The following CCBE1 variants were observed in gnomAD, a reference collection of about 807,000 sequenced individuals.
CCBE1 encodes the protein collagen and calcium binding EGF domains 1.
Under a neutral mutation model 50.0 loss-of-function variants are expected in CCBE1, and 37 were observed. The ratio of observed to expected loss-of-function variants is 0.74; its 90% CI spans 0.57 to 0.97. CCBE1 has a LOEUF of 0.97. CCBE1 is among the 50% of genes least tolerant of loss of function. The probability of loss-of-function intolerance (pLI) is 0.00; values close to 1 mark genes in which losing one functional copy is unlikely to be tolerated. For synonymous variants in CCBE1, 234 were observed against 203.7 expected, an observed-to-expected ratio of 1.15 and a Z score of -1.27; for missense variants, 538 against 523.8, an observed-to-expected ratio of 1.03 and a Z score of -0.26.
At chr18:59,542,738 G>A (rs1303557573) in intron 2 of CCBE1, among the ~76,000 whole-genome samples, 2 of 152,156 alleles carry the variant, frequency 1.3e-5, no homozygotes, top group African/African-American at 2.4e-5. Context: ...TGCCTCTGAA[G>A]TGCCATTTCC....
At chr18:59,666,835 C>T (rs759103201) in intron 2 of CCBE1, among the ~76,000 whole-genome samples, 42 of 152,032 alleles carry the variant, frequency 2.8e-4, no homozygotes, top group Non-Finnish European at 1.5e-4. Context: ...TGTGGTGGTG[C>T]GTGCCTGTAG....
chr18:59,453,752 TAAACAAACAAAAC>T (rs1568147087), intron 6 of CCBE1, among the ~76,000 whole-genome samples: 8 of 152,276 alleles, frequency 5.3e-5, no homozygotes, highest in Non-Finnish European at 1.2e-4. Flanking sequence ...TGGAAGCCGT[TAAACAAACAAAAC>T]AAGAAGATGT....
chr18:59,664,007 T>C (rs575887214), intron 2 of CCBE1, among the ~76,000 whole-genome samples: 33 of 152,268 alleles, frequency 2.2e-4, no homozygotes, highest in Admixed American at 1.6e-3. Context: ...CAACATACCA[T>C]GAACTGGGTA....
chr18:59,463,732 G>C (rs1911604515), intron 5 of CCBE1, among the ~76,000 whole-genome samples: 1 of 152,216 alleles, frequency 6.6e-6, no homozygotes, highest in South Asian at 2.1e-4. Context: ...ACCCCCAGCA[G>C]TATTGCGTTT....
chr18:59,564,498 G>C (rs972736320), intron 2 of CCBE1, among the ~76,000 whole-genome samples: 1 of 152,130 alleles, frequency 6.6e-6, no homozygotes, highest in African/African-American at 2.4e-5. Flanking sequence ...TTCTATACTA[G>C]TATATTTAAT....
chr18:59,438,255 T>C (rs1910252512), intron 9 of CCBE1, 109 bp from the exon 10 acceptor site: 2 of 1,003,316 alleles, frequency 2.0e-6, no homozygotes, highest in East Asian at 2.5e-5. Context: ...ACAATAAACA[T>C]TTTCTATAGA....
chr18:59,491,844 A>T (rs1171732184), intron 2 of CCBE1, among the ~76,000 whole-genome samples: 1 of 151,820 alleles, frequency 6.6e-6, no homozygotes, highest in Non-Finnish European at 1.5e-5. Flanking sequence ...ACAAAAAAAA[A>T]CGTTTCATGG....
chr18:59,497,866 C>A (rs1378395488), intron 2 of CCBE1, among the ~76,000 whole-genome samples: 1 of 152,216 alleles, frequency 6.6e-6, no homozygotes, highest in Non-Finnish European at 1.5e-5. Context: ...CCCAGCCAAT[C>A]CAGCCGCCTC....
intron 2 of CCBE1, among the ~76,000 whole-genome samples, chr18:59,692,229 G>T (rs114823636): frequency 6.6e-6 from 1 of 152,194 alleles, no homozygotes; most frequent in Non-Finnish European, 1.5e-5. Flanking sequence ...TAGTGATGAC[G>T]ATGGGAGGTA....
At chr18:59,455,841 C>A (rs1911167483) in intron 5 of CCBE1, among the ~76,000 whole-genome samples, 1 of 152,210 alleles carries the variant, frequency 6.6e-6, no homozygotes, top group Non-Finnish European at 1.5e-5. Flanking sequence ...AGTTTGACAC[C>A]CAGGGAAGCA....
intron 2 of CCBE1, among the ~76,000 whole-genome samples, chr18:59,560,514 C>G (rs1412229940): frequency 6.6e-6 from 1 of 152,070 alleles, no homozygotes; most frequent in Non-Finnish European, 1.5e-5. Context: ...GGCTTAAAAC[C>G]TAGATGATGG....
At chr18:59,524,230 G>C (rs770733756) in intron 2 of CCBE1, among the ~76,000 whole-genome samples, 1 of 152,152 alleles carries the variant, frequency 6.6e-6, no homozygotes, top group Non-Finnish European at 1.5e-5. Context: ...TGAAGCAGGA[G>C]AATCGCTTGA....
At position 59,682,867 on chromosome 18, in the gene CCBE1, A is replaced by T. The variant is rs1201483245; in HGVS notation, c.212+13762T>A. On this transcript the variant is annotated intron_variant, in intron 2 of 10. Transcript: ENST00000439986. ...CAGAGTAAATATTGCCATGATCATAAACAAGGTAAATAAAGTCTTAAAAAG... is the reference window on the plus strand; with the variant it reads ...CAGAGTAAATATTGCCATGATCATATACAAGGTAAATAAAGTCTTAAAAAG... Among the ~76,000 whole-genome samples, 9 of 152,234 alleles carry T rather than the reference A, an allele frequency of 5.9e-5. No individual in the cohort carries two copies. The East Asian group carries it at 9.6e-4, about 16-fold the overall frequency.
intron 2 of CCBE1, among the ~76,000 whole-genome samples, chr18:59,627,447 C>T (rs2053800007): frequency 6.6e-6 from 1 of 152,100 alleles, no homozygotes; most frequent in African/African-American, 2.4e-5. Context: ...TACTGTGTCC[C>T]CCAAAAAGAC....
intron 5 of CCBE1, among the ~76,000 whole-genome samples, chr18:59,461,892 C>G (rs944718899): frequency 2.0e-5 from 3 of 151,864 alleles, no homozygotes; most frequent in African/African-American, 7.3e-5. Flanking sequence ...GCCACCACGC[C>G]CAGCTAATGT....
chr18:59,648,434 G>A (rs575987618), intron 2 of CCBE1, among the ~76,000 whole-genome samples: 185 of 152,320 alleles, frequency 1.2e-3, no homozygotes, highest in African/African-American at 4.3e-3. Flanking sequence ...AGCCAGGCAT[G>A]GGGGCTCACA....
chr18:59,531,712 C>T lies in CCBE1; in HGVS notation c.213-51474G>A, dbSNP rs147435881. 1.7e-4 allele frequency among the ~76,000 whole-genome samples: 26 copies of T among 152,288 alleles called. 1 individual carries two copies. The highest frequency in any genetic ancestry group is 6.0e-4 in the African/African-American group (25 of 41,556). ...TGAGCTGTGGTCCTGCCACTGCACT[C>T]CAGCCTGGGCGACAAAGAAACCCTG... On this transcript the variant is annotated intron_variant, in intron 2 of 10. Coordinates refer to ENST00000439986, the MANE Select transcript of CCBE1 (RefSeq NM_133459.4).
intron 2 of CCBE1, among the ~76,000 whole-genome samples, chr18:59,491,050 C>T (rs1913075046): frequency 6.6e-6 from 1 of 152,210 alleles, no homozygotes; most frequent in Non-Finnish European, 1.5e-5. Flanking sequence ...GGATCCAACA[C>T]CCAAAGACCT....
At position 59,493,290 on chromosome 18, in the gene CCBE1, A is replaced by G. The variant is rs140740997; in HGVS notation, c.213-13052T>C. The stretch of plus-strand genomic sequence containing the variant: ...TCAAGGACAATGAAATACAATGGAC[A>G]TTAATTCAGGCCTAAGTCACTGGAA... On this transcript the variant is annotated intron_variant, in intron 2 of 10. Transcript: ENST00000439986. Among the ~76,000 whole-genome samples the G allele has an allele frequency of 4.3e-4, 66 of 152,350 alleles. No individual in the cohort carries two copies. The East Asian group carries it at 0.012, about 29-fold the overall frequency.
Sources: gnomAD v4.1 joint callset for allele counts (sites outside exome capture counted in the v4.1 genomes callset) on GRCh38, gnomAD v4.1.1 for gene constraint, MANE v1.5 for transcripts, NCBI Gene and HGNC (gene_info 2026-07-23, HGNC 2026-07-21) for gene names.